CIZ1: variants seen among roughly 807,000 people sequenced by gnomAD.
CIZ1 encodes CDKN1A interacting zinc finger protein 1.
CIZ1 carries 58 observed loss-of-function variants against 118.6 expected under a neutral mutation model. The ratio of observed to expected loss-of-function variants is 0.49; its 90% confidence interval spans 0.40 to 0.61. The LOEUF (loss-of-function observed/expected upper bound fraction) is 0.61. Among genes scored for constraint, CIZ1 ranks in the 20% least tolerant of loss-of-function variants. The pLI is 0.00. For missense variants in CIZ1, 921 were observed against 1,115.9 expected (o/e 0.83, Z 2.49); for synonymous variants, 448 against 443.4 (o/e 1.01, Z -0.13).
In CIZ1 at chr9:128,179,073, C is replaced by A; in HGVS notation, c.1134G>T (p.Gln378His). The A allele has an allele frequency of 6.2e-7, 1 of 1,613,618 alleles. No homozygotes were observed. The highest frequency in any genetic ancestry group is 8.5e-7 in the Non-Finnish European group (1 of 1,179,554). ...CCTGTGAATGTGCCTGTGGCTGTACCTGTGGCTGCACCTGCTTCTGTGGCT... is the reference window on the plus strand; with the variant it reads ...CCTGTGAATGTGCCTGTGGCTGTACATGTGGCTGCACCTGCTTCTGTGGCT... ...EAEPQKQVQP[Q>H]VQPQAHSQGP... is the part of the protein sequence containing the mutation. Residue 378 changes from glutamine (Q) to histidine (H), a missense_variant, in exon 8 of 17, where the codon CAG becomes CAT. By Grantham distance (24) the Gln-to-His change is conservative. Transcript: ENST00000372938.
intron 1 of CIZ1, among the ~76,000 whole-genome samples, chr9:128,199,516 C>T (rs560593992): frequency 6.6e-6 from 1 of 152,110 alleles, no homozygotes; most frequent in African/African-American, 2.4e-5. Context: ...ACCTGGGCAA[C>T]AAAGCAAGAT....
intron 1 of CIZ1, among the ~76,000 whole-genome samples, chr9:128,201,571 C>G (rs1833517825): frequency 6.6e-6 from 1 of 152,238 alleles, no homozygotes; most frequent in African/African-American, 2.4e-5. Flanking sequence ...CCATCTCTGC[C>G]TTCTCTTGTC....
In CIZ1 at chr9:128,166,667, C is replaced by T; in HGVS notation, c.2487+92G>A. The T allele has an allele frequency of 2.6e-6, 4 of 1,520,920 alleles. No homozygotes were observed. In the South Asian group the frequency reaches 4.6e-5, roughly 18 times the overall value. The allele number at this position is 1,520,920 out of a possible 1,614,324, so 94.2% of individuals were successfully genotyped here. A position where few individuals can be genotyped will look rare whatever the true frequency, so the allele number is the denominator to read the frequency against. ...GTGGTGCCTGGGGATTGAGGCCCTG[C>T]ACAAGAGGGAGTGGCCACTAGCCAC... is the stretch of plus-strand genomic sequence containing the variant. On this transcript the variant is annotated intron_variant, in intron 16 of 16. Coordinates refer to ENST00000372938, the MANE Select transcript of CIZ1 (RefSeq NM_001131016.2). The surrounding 1 kb of genome is among the most constrained non-coding windows in gnomAD (Gnocchi z 4.4).
chr9:128,183,189 G>A (rs1831901159), intron 5 of CIZ1, among the ~76,000 whole-genome samples: 1 of 152,142 alleles, frequency 6.6e-6, no homozygotes, highest in Non-Finnish European at 1.5e-5. Context: ...GCAGGGAATG[G>A]TAATCTGGAC....
upstream of CIZ1, chr9:128,191,832 C>T (rs1199394017): frequency 9.5e-6 from 14 of 1,467,478 alleles, no homozygotes; most frequent in Non-Finnish European, 1.3e-5. This position sits in a 1 kb window ranked among gnomAD's most constrained non-coding sequence, Gnocchi z 5.5. Context: ...TCGAGGGGGA[C>T]TTCCTTCCTG....
rs766044318 is a variant in CIZ1 at position 128,169,498 on chromosome 9, G to C, written c.2053C>G (p.Pro685Ala). Residue 685 changes from proline (P) to alanine (A), a missense_variant, in exon 13 of 17, where the codon CCC (proline) becomes GCC (alanine). Physicochemically the swap from Pro to Ala is conservative, Grantham distance 27. Transcript: ENST00000372938. ...DHKIAKQSLR[P>A]FCTVCNRYFK... ...TAGCGGTTGCAAACGGTGCAGAAGG[G>C]TCGCAAGGATTGTTTGGCAATCTGG... 3 of 1,614,202 alleles carry C rather than the reference G, an allele frequency of 1.9e-6. No homozygotes were observed. Among genetic ancestry groups the C allele is most frequent in the Non-Finnish European group, 2.5e-6 (3 of 1,180,028 alleles).
In CIZ1 at chr9:128,180,501, T is replaced by C. The variant is rs768169318; in HGVS notation, c.705A>G (p.Pro235=). The change falls in exon 7 of 17, where the codon CCA becomes CCG. Residue 235 remains proline (P), a synonymous_variant. Coordinates refer to ENST00000372938, the MANE Select transcript of CIZ1 (RefSeq NM_001131016.2). Reference sequence around the variant, plus strand: ...TGCGTTTTTCCTTGGCGATGTCCTCTGGGCAGGGCGGTAAATCTTGGTCTG... The same window carrying C: ...TGCGTTTTTCCTTGGCGATGTCCTCCGGGCAGGGCGGTAAATCTTGGTCTG... ...TPEDQDLPPC[P]EDIAKEKRTP... 2 of 1,614,126 alleles carry C rather than the reference T, an allele frequency of 1.2e-6. No individual in the cohort carries two copies. Among genetic ancestry groups the C allele is most frequent in the African/African-American group, 1.3e-5 (1 of 75,036 alleles).
At chr9:128,186,952 T>C (rs551931576) in intron 4 of CIZ1, among the ~76,000 whole-genome samples, 9 of 151,676 alleles carry the variant, frequency 5.9e-5, no homozygotes, top group African/African-American at 2.2e-4. Context: ...TTTTTTTTTT[T>C]TTTTTGAGAG....
Position 128,185,605 on chromosome 9 carries a change from G to C in CIZ1, c.530C>G (p.Ser177Ter). 6.5e-7 allele frequency: 1 copy of C among 1,541,484 alleles called. No individual in the cohort carries two copies. Among genetic ancestry groups the C allele is most frequent in the Non-Finnish European group, 8.7e-7 (1 of 1,144,006 alleles). Residue 177 changes from serine to a stop codon, truncating the protein, a stop_gained, in exon 5 of 17, where the codon TCA becomes TGA. Coordinates refer to ENST00000372938, the MANE Select transcript of CIZ1 (RefSeq NM_001131016.2). LOFTEE classifies it high-confidence loss of function. ...VPMNPSQFNL[S>*]GRNPQKQART... ...GGCCTGTTTCTGGGGGTTCCGTCCT[G>C]AAAGGTTGAACTGGGAAGGGTTCAT...
At chr9:128,189,893 C>G (rs1203822938) in intron 3 of CIZ1, among the ~76,000 whole-genome samples, 1 of 143,728 alleles carries the variant, frequency 7.0e-6, no homozygotes, top group Admixed American at 6.9e-5. Context: ...TGAGACTGCT[C>G]TCCATATTGG....
chr9:128,174,850 G>A (rs896075964), intron 11 of CIZ1, among the ~76,000 whole-genome samples: 1 of 152,164 alleles, frequency 6.6e-6, no homozygotes, highest in East Asian at 1.9e-4. Context: ...TACAGAGGGG[G>A]TTTCACCATG....
intron 11 of CIZ1, among the ~76,000 whole-genome samples, chr9:128,171,822 G>A (rs1830157875): frequency 6.6e-6 from 1 of 151,904 alleles, no homozygotes; most frequent in African/African-American, 2.4e-5. Context: ...AAAGATCATT[G>A]CAACATATAA....
At position 128,191,480 on chromosome 9, in the gene CIZ1, C is replaced by G; in HGVS notation, c.-54G>C. 1.0e-6 allele frequency: 1 copy of G among 991,144 alleles called. No individual in the cohort carries two copies. The highest frequency in any genetic ancestry group is 1.2e-6 in the Non-Finnish European group (1 of 832,408). The allele number at this position is 991,144 out of a possible 1,614,324, so 61.4% of individuals were successfully genotyped here. A position where few individuals can be genotyped will look rare whatever the true frequency, so the allele number is the denominator to read the frequency against. On this transcript the variant is annotated 5_prime_UTR_variant, in exon 1 of 17. Coordinates refer to ENST00000372938, the MANE Select transcript of CIZ1 (RefSeq NM_001131016.2). This position sits in a 1 kb window ranked among gnomAD's most constrained non-coding sequence, Gnocchi z 5.5. ...CGCTCAAGTCGCCCCCACGGATGGG[C>G]CGGCCCCGCAGCCCCCACGCCTCGG...
At position 128,178,375 on chromosome 9, in the gene CIZ1, C is replaced by T. The variant is rs773721220; in HGVS notation, c.1614G>A (p.Met538Ile). The change falls in exon 9 of 17, where the codon ATG (methionine) becomes ATA (isoleucine). Residue 538 changes from methionine (M) to isoleucine (I), a missense_variant. Met to Ile is a conservative substitution (Grantham distance 10, BLOSUM62 1). Transcript: ENST00000372938. The part of the protein sequence containing the change: ...VGECENRARE[M>I]PGVWGAGGSL... ...CATCAGGGCCTCTACCCACCCCTGGCATCTCTCTCGCTCTGTTTTCACATT... is the reference window on the plus strand; with the variant it reads ...CATCAGGGCCTCTACCCACCCCTGGTATCTCTCTCGCTCTGTTTTCACATT... 5 of 1,613,068 alleles carry T rather than the reference C, an allele frequency of 3.1e-6. No homozygotes were observed. Among genetic ancestry groups the T allele is most frequent in the Non-Finnish European group, 2.5e-6 (3 of 1,179,612 alleles).
chr9:128,198,906 T>G (rs997406045), intron 1 of CIZ1, among the ~76,000 whole-genome samples: 1 of 151,952 alleles, frequency 6.6e-6, no homozygotes, highest in African/African-American at 2.4e-5. Context: ...GAGAAAACCA[T>G]CGATTACCAG....
upstream of CIZ1, among the ~76,000 whole-genome samples, chr9:128,192,253 C>G (rs1833222739): frequency 6.6e-6 from 1 of 151,920 alleles, no homozygotes; most frequent in Non-Finnish European, 1.5e-5. Context: ...GTCTGTAGTC[C>G]CAGCTACTCG....
chr9:128,169,988 C>T (rs191381755), intron 12 of CIZ1, 32 bp downstream of exon 12: 11 of 1,576,412 alleles, frequency 7.0e-6, no homozygotes, highest in East Asian at 4.5e-5. Flanking sequence ...GACGGCAGTG[C>T]GGGTGCCTCT....
chr9:128,177,547 T>TA lies in CIZ1; in HGVS notation c.1818+18_1818+19insT. Reference sequence around the variant, plus strand: ...ACGCAGGCCCCACCCCTCCCCACCCTTATCTCCTGTATCAGTACCTGCTGG... The same window carrying TA: ...ACGCAGGCCCCACCCCTCCCCACCCTATATCTCCTGTATCAGTACCTGCTGG... On this transcript the variant is annotated intron_variant, in intron 10 of 16. Coordinates refer to ENST00000372938, the MANE Select transcript of CIZ1 (RefSeq NM_001131016.2). 4 of 409,532 alleles carry TA rather than the reference T, an allele frequency of 9.8e-6. No individual in the cohort carries two copies. The highest frequency in any genetic ancestry group is 6.9e-5 in the East Asian group (1 of 14,470). 25.4% of individuals were successfully genotyped at this position (409,532 alleles called of 1,614,324 possible).
upstream of CIZ1, among the ~76,000 whole-genome samples, chr9:128,192,301 C>T (rs926183451): frequency 3.3e-5 from 5 of 150,980 alleles, no homozygotes; most frequent in Non-Finnish European, 7.4e-5. Context: ...GCCCGGGAGG[C>T]ACAGGCTGCA....
Sources: gnomAD v4.1 joint callset for allele counts (sites outside exome capture counted in the v4.1 genomes callset) on GRCh38, gnomAD v4.1.1 for gene constraint, Gnocchi (gnomAD v3.1) non-coding constraint, MANE v1.5 for transcripts, NCBI Gene and HGNC (gene_info 2026-07-23, HGNC 2026-07-21) for gene names.